The following CERT1 variants were observed in gnomAD, a reference collection of about 807,000 sequenced individuals.
The protein encoded by CERT1 is ceramide transporter 1.
A neutral mutation model predicts 87.9 loss-of-function variants in CERT1; 31 were observed. That is an observed-to-expected ratio of 0.35 (90% CI 0.27 to 0.48). The LOEUF (loss-of-function observed/expected upper bound fraction) is 0.48, where lower values mean the gene tolerates loss of function less well. Ranked by LOEUF, CERT1 falls within the 20% of genes least tolerant of loss-of-function variation. The probability of loss-of-function intolerance (pLI) is 0.99; values close to 1 mark genes in which losing one functional copy is unlikely to be tolerated. For missense variants in CERT1, 487 were observed against 758.0 expected, an observed-to-expected ratio of 0.64 and a Z score of 4.20; for synonymous variants, 289 against 250.9, an observed-to-expected ratio of 1.15 and a Z score of -1.44.
intron 3 of CERT1, among the ~76,000 whole-genome samples, chr5:75,428,400 C>T (rs889914663): frequency 6.6e-6 from 1 of 152,040 alleles, no homozygotes; most frequent in African/African-American, 2.4e-5. Flanking sequence ...AATAGTTGGC[C>T]GGGTGCGGTG....
intron 12 of CERT1, among the ~76,000 whole-genome samples, chr5:75,386,459 C>A (rs1048218170): frequency 6.6e-6 from 1 of 152,200 alleles, no homozygotes; most frequent in African/African-American, 2.4e-5. Context: ...ACACAATAGG[C>A]ACTCAGTTAT....
chr5:75,389,764 C>A (rs893556886), intron 11 of CERT1, 77 bp from the exon 12 acceptor site: 27 of 1,120,780 alleles, frequency 2.4e-5, no homozygotes, highest in Non-Finnish European at 2.8e-5. Context: ...CTTCAGTTAA[C>A]TTCAGTTCAG....
At chr5:75,507,630 TG>T (rs1580872393) in intron 1 of CERT1, among the ~76,000 whole-genome samples, 3 of 152,310 alleles carry the variant, frequency 2.0e-5, no homozygotes, top group Admixed American at 6.5e-5. Flanking sequence ...CCTACTTCCT[TG>T]GGGAGACTGC....
Position 75,430,192 on chromosome 5 carries a change from G to C in CERT1, c.349-3714C>G, listed in dbSNP as rs975230129. Among the ~76,000 whole-genome samples, 4 of 152,324 alleles carry C rather than the reference G, an allele frequency of 2.6e-5. No individual in the cohort carries two copies. The East Asian group carries it at 7.7e-4, about 29-fold the overall frequency. On this transcript the variant is annotated intron_variant, in intron 3 of 16. Transcript: ENST00000643780. ...CTTCTAACACCTACCAGTTGCCAAA[G>C]TAAAATGGTCACACTTTTTAATAAT...
At chr5:75,405,048 C>A (rs947429267) in intron 8 of CERT1, among the ~76,000 whole-genome samples, 7 of 151,794 alleles carry the variant, frequency 4.6e-5, no homozygotes, top group African/African-American at 7.3e-5. Flanking sequence ...AACAAAAATT[C>A]TATTTTGCCA....
At chr5:75,474,214 C>G (rs1023556181) in intron 2 of CERT1, among the ~76,000 whole-genome samples, 7 of 152,170 alleles carry the variant, frequency 4.6e-5, no homozygotes, top group Middle Eastern at 3.2e-3. Context: ...TCACGTACCC[C>G]CTGCTTGCTC....
chr5:75,505,891 C>A, intron 2 of CERT1, 91 bp downstream of exon 2: 2 of 926,286 alleles, frequency 2.2e-6, no homozygotes, highest in Non-Finnish European at 3.3e-6. Flanking sequence ...TTTATCTTAT[C>A]CACGGATGTA....
chr5:75,379,232 G>T lies in CERT1; in HGVS notation c.*114C>A. On this transcript the variant is annotated 3_prime_UTR_variant, in exon 17 of 17. Coordinates refer to ENST00000643780, the MANE Select transcript of CERT1 (RefSeq NM_001379029.1). ...AACCAACGAAACAATACTCTATAGG[G>T]GAACATCAAAAAACATAGTAAATAC... 2.1e-6 allele frequency: 2 copies of T among 933,042 alleles called. No homozygotes were observed. Among genetic ancestry groups the T allele is most frequent in the Non-Finnish European group, 1.6e-6 (1 of 609,940 alleles). The allele number at this position is 933,042 out of a possible 1,614,324, so 57.8% of individuals were successfully genotyped here.
intron 3 of CERT1, among the ~76,000 whole-genome samples, chr5:75,452,739 A>G (rs1437850170): frequency 1.3e-5 from 2 of 152,158 alleles, no homozygotes; most frequent in Non-Finnish European, 2.9e-5. Flanking sequence ...ACTTTAATTC[A>G]TACAGCTTTC....
chr5:75,381,201 G>C lies in CERT1; in HGVS notation c.1618C>G (p.Leu540Val), dbSNP rs1561220606. 6.2e-7 allele frequency: 1 copy of C among 1,613,810 alleles called. No individual in the cohort carries two copies. The highest frequency in any genetic ancestry group is 8.5e-7 in the Non-Finnish European group (1 of 1,179,954). ...NFSVDHDSAP[L>V]NNRCVRAKIN... Reference sequence around the variant, plus strand: ...TTGGCACGGACACATCGGTTGTTTAGCTGCCAAAACAAAAAACAAAGCATC... The same window carrying C: ...TTGGCACGGACACATCGGTTGTTTACCTGCCAAAACAAAAAACAAAGCATC... The change falls in exon 16 of 17, where the codon CTA (leucine) becomes GTA (valine). Residue 540 changes from leucine to valine, a missense_variant and splice_region_variant. Physicochemically the swap from Leu to Val is conservative, Grantham distance 32. This residue lies in a region of CERT1 where 147 missense variants were observed against 200.8 expected (regional missense o/e 0.73). Coordinates refer to ENST00000643780, the MANE Select transcript of CERT1 (RefSeq NM_001379029.1).
intron 3 of CERT1, among the ~76,000 whole-genome samples, chr5:75,453,914 G>A (rs2112290777): frequency 6.6e-6 from 1 of 152,212 alleles, no homozygotes; most frequent in East Asian, 1.9e-4. Context: ...ATCAGCATAA[G>A]GGTCTTCTGG....
chr5:75,454,599 T>C (rs1034436085), intron 3 of CERT1, among the ~76,000 whole-genome samples: 6 of 152,228 alleles, frequency 3.9e-5, no homozygotes, highest in Admixed American at 2.6e-4. Context: ...TTCAAGAAGT[T>C]TGCAAAGGAG....
downstream of CERT1, chr5:75,374,102 C>CTA: frequency 2.5e-6 from 1 of 397,416 alleles, no homozygotes. Context: ...ACAGACAAGG[C>CTA]TATAGATCCT....
chr5:75,427,808 AT>A (rs926684314), intron 3 of CERT1, among the ~76,000 whole-genome samples: 12 of 151,738 alleles, frequency 7.9e-5, no homozygotes, highest in African/African-American at 1.7e-4. Context: ...GTAAACATCA[AT>A]TTTTTTTTAA....
chr5:75,490,803 T>C (rs1001423920), intron 2 of CERT1, among the ~76,000 whole-genome samples: 6 of 152,170 alleles, frequency 3.9e-5, no homozygotes, highest in Non-Finnish European at 8.8e-5. Flanking sequence ...CAGCCTAAAT[T>C]TTCATTTGAC....
intron 3 of CERT1, among the ~76,000 whole-genome samples, chr5:75,458,462 GTATT>G (rs888174947): frequency 3.1e-4 from 47 of 152,042 alleles, no homozygotes; most frequent in African/African-American, 1.1e-3. Flanking sequence ...CATTAAAAAG[GTATT>G]TATTATGAAG....
At chr5:75,434,637 T>A (rs1764013791) in intron 3 of CERT1, among the ~76,000 whole-genome samples, 2 of 151,376 alleles carry the variant, frequency 1.3e-5, no homozygotes, top group South Asian at 4.2e-4. Context: ...TTCTGATTGG[T>A]AGGTTTTTTT....
At chr5:75,496,081 C>T (rs1182756692) in intron 2 of CERT1, among the ~76,000 whole-genome samples, 1 of 151,880 alleles carries the variant, frequency 6.6e-6, no homozygotes, top group Non-Finnish European at 1.5e-5. Context: ...CAAACATGTA[C>T]CTGACAAACG....
intron 8 of CERT1, among the ~76,000 whole-genome samples, chr5:75,409,885 T>A (rs1184138776): frequency 6.7e-6 from 1 of 148,580 alleles, no homozygotes; most frequent in Non-Finnish European, 1.5e-5. Context: ...CAGCCTGGAG[T>A]GGAGTGGTGC....
Sources: allele counts gnomAD v4.1 joint callset (sites outside exome capture counted in the v4.1 genomes callset), GRCh38; gene constraint gnomAD v4.1.1; regional missense constraint gnomAD v4.1.1; transcripts MANE v1.5; gene names NCBI Gene and HGNC (gene_info 2026-07-23, HGNC 2026-07-21).